The following TBXAS1 variants were observed in gnomAD, a reference collection of about 807,000 sequenced individuals.
The protein encoded by TBXAS1 is thromboxane-A synthase.
TBXAS1 carries 48 observed loss-of-function variants against 60.7 expected under a neutral mutation model. The ratio of observed to expected loss-of-function variants is 0.79; its 90% confidence interval spans 0.63 to 1.01. TBXAS1 has a LOEUF of 1.01. Ranked by LOEUF, TBXAS1 falls within the 50% of genes least tolerant of loss-of-function variation. The pLI, the probability that TBXAS1 is intolerant of heterozygous loss-of-function variation, is 0.00. For missense variants in TBXAS1, 685 were observed against 686.3 expected (o/e 1.00, Z 0.02); for synonymous variants, 287 against 269.7 (o/e 1.06, Z -0.63).
At chr7:140,005,136 G>C (rs1372435620) in intron 9 of TBXAS1, among the ~76,000 whole-genome samples, 1 of 152,214 alleles carries the variant, frequency 6.6e-6, no homozygotes, top group Non-Finnish European at 1.5e-5. Context: ...CAGATTCAAA[G>C]ATAAAGTTAC....
At position 139,811,878 on chromosome 7, in the gene TBXAS1, C is replaced by T. The variant is rs59886826; in HGVS notation, c.-79-17434C>T. On this transcript the variant is annotated intron_variant, in intron 4 of 16. Transcript: ENST00000336425. Reference sequence around the variant, plus strand: ...GTGACTCTGGCCAGGTAGAATATTTCAACCCTGCACTTCCTGGCCTGTACC... The same window carrying T: ...GTGACTCTGGCCAGGTAGAATATTTTAACCCTGCACTTCCTGGCCTGTACC... 6.0e-3 allele frequency among the ~76,000 whole-genome samples: 919 copies of T among 152,320 alleles called. 6 individuals are homozygous for T. Among genetic ancestry groups the T allele is most frequent in the African/African-American group, 0.021 (864 of 41,566 alleles).
intron 3 of TBXAS1, among the ~76,000 whole-genome samples, chr7:139,786,386 C>T (rs564966320): frequency 1.3e-5 from 2 of 151,986 alleles, no homozygotes; most frequent in African/African-American, 2.4e-5. Flanking sequence ...AGCTTTGAAC[C>T]GTTCTGGGAA....
At chr7:139,785,545 C>A (rs141415889) in intron 3 of TBXAS1, among the ~76,000 whole-genome samples, 14 of 152,070 alleles carry the variant, frequency 9.2e-5, no homozygotes, top group African/African-American at 2.9e-4. Context: ...ACTGCCAGTA[C>A]CTGATTGAGC....
intron 9 of TBXAS1, among the ~76,000 whole-genome samples, chr7:139,986,785 G>GTT (rs1812513325): frequency 6.0e-5 from 3 of 50,164 alleles, no homozygotes; most frequent in Non-Finnish European, 1.1e-4. Flanking sequence ...GTGTGTGTGT[G>GTT]TGTGTGTGTG....
chr7:139,826,055 A>G (rs1359736486), upstream of TBXAS1, among the ~76,000 whole-genome samples: 2 of 152,070 alleles, frequency 1.3e-5, no homozygotes, highest in Non-Finnish European at 2.9e-5. Flanking sequence ...TTATACATAC[A>G]CTGAGTTAAG....
intron 3 of TBXAS1, among the ~76,000 whole-genome samples, chr7:139,881,464 C>T (rs531200565): frequency 1.3e-5 from 2 of 151,272 alleles, no homozygotes; most frequent in African/African-American, 4.9e-5. Flanking sequence ...TTCCCCCCCT[C>T]CAGGAGGGTA....
At chr7:139,779,818 T>A (rs1424959548) in intron 1 of TBXAS1, among the ~76,000 whole-genome samples, 3 of 152,138 alleles carry the variant, frequency 2.0e-5, no homozygotes, top group African/African-American at 7.2e-5. Flanking sequence ...AGGACATGAG[T>A]TCAGCAAGTC....
At chr7:139,883,950 GA>G (rs1444547765) in intron 3 of TBXAS1, among the ~76,000 whole-genome samples, 2 of 152,158 alleles carry the variant, frequency 1.3e-5, no homozygotes, top group African/African-American at 4.8e-5. Flanking sequence ...GACCACTAGT[GA>G]GTCAAAATCA....
At chr7:139,863,499 C>T (rs979748894) in intron 1 of TBXAS1, among the ~76,000 whole-genome samples, 1 of 152,164 alleles carries the variant, frequency 6.6e-6, no homozygotes, top group African/African-American at 2.4e-5. Flanking sequence ...GTAACTCCAA[C>T]ATATCTGTTC....
chr7:139,803,050 G>A (rs1797760446), intron 4 of TBXAS1, among the ~76,000 whole-genome samples: 1 of 152,208 alleles, frequency 6.6e-6, no homozygotes. Flanking sequence ...GTAAAGTGGG[G>A]TACTGCTGTA....
intron 9 of TBXAS1, among the ~76,000 whole-genome samples, chr7:139,973,303 T>C (rs1455018704): frequency 2.6e-4 from 39 of 152,262 alleles, no homozygotes; most frequent in Non-Finnish European, 5.9e-5. Context: ...TGTCAGCTCA[T>C]GGTATTTGAG....
intron 9 of TBXAS1, among the ~76,000 whole-genome samples, chr7:139,967,162 T>A (rs1211226335): frequency 6.6e-6 from 1 of 152,250 alleles, no homozygotes; most frequent in Non-Finnish European, 1.5e-5. Context: ...CCTTCCCCAG[T>A]GTCCGCCCAG....
intron 5 of TBXAS1, among the ~76,000 whole-genome samples, chr7:139,940,953 C>G (rs1021481812): frequency 6.7e-6 from 1 of 148,960 alleles, no homozygotes; most frequent in African/African-American, 2.5e-5. Context: ...ATACAGCAAA[C>G]TGGCTTTTCC....
At chr7:139,830,344 T>A (rs1388877902) in intron 1 of TBXAS1, among the ~76,000 whole-genome samples, 1 of 152,170 alleles carries the variant, frequency 6.6e-6, no homozygotes, top group East Asian at 1.9e-4. Context: ...TAAAGCCTTC[T>A]CTAGATTAAT....
chr7:139,790,072 T>C lies in TBXAS1; in HGVS notation c.-80+2646T>C, dbSNP rs951501096. 3.9e-5 allele frequency among the ~76,000 whole-genome samples: 6 copies of C among 152,344 alleles called. No homozygotes were observed. In the South Asian group the frequency reaches 1.0e-3, roughly 26 times the overall value. ...CCATGGACAAAATACCAAAGTAATC[T>C]GTTTCTATGTTCCATTATTTCCTCC... On this transcript the variant is annotated intron_variant, in intron 4 of 16. Coordinates refer to the TBXAS1 transcript ENST00000336425.
At chr7:139,933,344 T>A (rs1372305091) in intron 4 of TBXAS1, among the ~76,000 whole-genome samples, 2 of 152,186 alleles carry the variant, frequency 1.3e-5, no homozygotes, top group Non-Finnish European at 2.9e-5. Context: ...ATTTATTCTG[T>A]CTCATCAGAA....
intron 4 of TBXAS1, among the ~76,000 whole-genome samples, chr7:139,821,666 G>A (rs938490737): frequency 1.3e-5 from 2 of 152,194 alleles, no homozygotes; most frequent in Non-Finnish European, 2.9e-5. Context: ...CCTCTTCCCC[G>A]TGGGACCCAC....
chr7:139,807,648 G>A (rs1262446918), intron 4 of TBXAS1, among the ~76,000 whole-genome samples: 1 of 152,098 alleles, frequency 6.6e-6, no homozygotes, highest in African/African-American at 2.4e-5. Context: ...CTCCCAAAGT[G>A]CTGGGATTAC....
At chr7:139,917,447 T>C (rs1806090227) in intron 4 of TBXAS1, among the ~76,000 whole-genome samples, 1 of 152,216 alleles carries the variant, frequency 6.6e-6, no homozygotes, top group Non-Finnish European at 1.5e-5. Context: ...TGTTGCAGGA[T>C]GGGCTGCCCC....
Sources: gnomAD v4.1 joint callset for allele counts (sites outside exome capture counted in the v4.1 genomes callset) on GRCh38, gnomAD v4.1.1 for gene constraint, MANE v1.5 for transcripts, NCBI Gene and HGNC (gene_info 2026-07-23, HGNC 2026-07-21) for gene names.